SLAMF1: variants seen among roughly 807,000 people sequenced by gnomAD.
SLAMF1 encodes the protein signaling lymphocytic activation molecule.
A neutral mutation model predicts 35.1 loss-of-function variants in SLAMF1; 18 were observed. The ratio of observed to expected loss-of-function variants is 0.51; its 90% CI spans 0.35 to 0.76. The LOEUF (loss-of-function observed/expected upper bound fraction) is 0.76. Among genes scored for constraint, SLAMF1 ranks in the 30% least tolerant of loss-of-function variants. SLAMF1 has a pLI of 0.01. For synonymous variants in SLAMF1, 168 were observed against 157.2 expected, an observed-to-expected ratio of 1.07 and a Z score of -0.51; for missense variants, 392 against 413.0, an observed-to-expected ratio of 0.95 and a Z score of 0.44.
chr1:160,615,074 A>T (rs1442078625), intron 5 of SLAMF1, among the ~76,000 whole-genome samples: 1 of 152,176 alleles, frequency 6.6e-6, no homozygotes, highest in East Asian at 1.9e-4. Flanking sequence ...TCTTTATAAG[A>T]TTATTTTATA....
At chr1:160,622,779 A>G (rs576686195) in intron 4 of SLAMF1, among the ~76,000 whole-genome samples, 3 of 152,346 alleles carry the variant, frequency 2.0e-5, no homozygotes, top group Admixed American at 2.0e-4. Flanking sequence ...TCTAATGCCT[A>G]TACCCACATT....
In SLAMF1 at chr1:160,609,678, A is replaced by T. The variant is rs769089030; in HGVS notation, c.*1070T>A. ...GTCTCTTTCTGCCTGCAGCTTGCAAAATAAGTTATTGAGCATTCAAAGATT... is the reference window on the plus strand; with the variant it reads ...GTCTCTTTCTGCCTGCAGCTTGCAATATAAGTTATTGAGCATTCAAAGATT... On this transcript the variant is annotated 3_prime_UTR_variant, in exon 7 of 7. Transcript: ENST00000302035. 1 of 152,242 alleles carries T rather than the reference A, an allele frequency of 6.6e-6. No homozygotes were observed. The highest frequency in any genetic ancestry group is 1.5e-5 in the Non-Finnish European group (1 of 68,038). The allele number at this position is 152,242 out of a possible 1,614,324, so 9.4% of individuals were successfully genotyped here.
At position 160,634,695 on chromosome 1, in the gene SLAMF1, G is replaced by C; in HGVS notation, c.618C>G (p.Ile206Met). Residue 206 changes from isoleucine (I) to methionine (M), a missense_variant, in exon 3 of 7, where the codon ATC becomes ATG. Physicochemically the swap from Ile to Met is conservative, Grantham distance 10 (BLOSUM62 1). Coordinates refer to ENST00000302035, the MANE Select transcript of SLAMF1 (RefSeq NM_003037.5). ...TAGGGTTGCTCACGGTGCAGATGTA[G>C]ATATTGTCAGCATGCTGGGGGCCGA... ...LTLGPQHADN[I>M]YICTVSNPIS... 1 of 1,614,148 alleles carries C rather than the reference G, an allele frequency of 6.2e-7. No individual in the cohort carries two copies. Among genetic ancestry groups the C allele is most frequent in the Non-Finnish European group, 8.5e-7 (1 of 1,180,018 alleles).
At chr1:160,634,105 T>C (rs1158742635) in intron 3 of SLAMF1, among the ~76,000 whole-genome samples, 2 of 152,280 alleles carry the variant, frequency 1.3e-5, no homozygotes, top group Non-Finnish European at 2.9e-5. Context: ...ACCTTCACTA[T>C]ATCCTGTGTT....
chr1:160,615,935 T>C (rs1231765920), intron 5 of SLAMF1, among the ~76,000 whole-genome samples: 1 of 152,114 alleles, frequency 6.6e-6, no homozygotes, highest in Non-Finnish European at 1.5e-5. Context: ...CCAGATGGAG[T>C]GTGGCCCTGA....
At chr1:160,640,563 A>C (rs2102358463) in intron 1 of SLAMF1, among the ~76,000 whole-genome samples, 1 of 152,088 alleles carries the variant, frequency 6.6e-6, no homozygotes, top group Admixed American at 6.5e-5. Flanking sequence ...AGCTACCTAG[A>C]AGAGACTCTT....
chr1:160,643,782 T>C (rs1558017879), intron 1 of SLAMF1, among the ~76,000 whole-genome samples: 2 of 152,248 alleles, frequency 1.3e-5, no homozygotes, highest in Non-Finnish European at 2.9e-5. Context: ...ATTATTCTCT[T>C]CCAGTTATTT....
intron 5 of SLAMF1, among the ~76,000 whole-genome samples, chr1:160,617,250 C>T (rs112019082): frequency 0.011 from 1,663 of 152,144 alleles, 21 homozygotes; most frequent in African/African-American, 0.036. Flanking sequence ...AAAAACAGCT[C>T]GGCCTTATCT....
At chr1:160,636,752 C>G (rs940540917) in intron 2 of SLAMF1, among the ~76,000 whole-genome samples, 4 of 152,200 alleles carry the variant, frequency 2.6e-5, no homozygotes, top group Non-Finnish European at 4.4e-5. Flanking sequence ...AGTGAAACAC[C>G]TACACAAATG....
intron 1 of SLAMF1, among the ~76,000 whole-genome samples, chr1:160,645,139 G>T (rs774850331): frequency 6.6e-6 from 1 of 152,206 alleles, no homozygotes; most frequent in Non-Finnish European, 1.5e-5. Context: ...GAAGGGACAT[G>T]TGGACTTTTT....
intron 4 of SLAMF1, among the ~76,000 whole-genome samples, chr1:160,621,847 C>G (rs961679809): frequency 8.6e-6 from 1 of 116,548 alleles, no homozygotes; most frequent in Middle Eastern, 4.2e-3. Flanking sequence ...GAGGAGTGTG[C>G]GTGAGTGCGT....
At chr1:160,645,782 G>A (rs938117069) in intron 1 of SLAMF1, among the ~76,000 whole-genome samples, 3 of 152,160 alleles carry the variant, frequency 2.0e-5, no homozygotes, top group Non-Finnish European at 4.4e-5. Flanking sequence ...GGCTGAGCAA[G>A]CCCTGTTCGT....
At chr1:160,625,952 G>A (rs1659861481) in intron 3 of SLAMF1, among the ~76,000 whole-genome samples, 1 of 152,062 alleles carries the variant, frequency 6.6e-6, no homozygotes, top group South Asian at 2.1e-4. Context: ...ACTAGGATAA[G>A]AAGCAAAGCC....
chr1:160,624,043 C>T, intron 4 of SLAMF1, 53 bp downstream of exon 4: 2 of 1,287,938 alleles, frequency 1.6e-6, no homozygotes, highest in African/African-American at 1.5e-5. Context: ...GAGAGAGGTC[C>T]CCTGCTTACC....
chr1:160,636,552 G>A (rs1477374577), intron 2 of SLAMF1, among the ~76,000 whole-genome samples: 3 of 152,228 alleles, frequency 2.0e-5, no homozygotes, highest in African/African-American at 7.2e-5. Flanking sequence ...AAAAGCACTG[G>A]CCTTGGATTC....
intron 5 of SLAMF1, among the ~76,000 whole-genome samples, chr1:160,613,480 A>C (rs1244185027): frequency 1.3e-5 from 2 of 152,216 alleles, no homozygotes; most frequent in Non-Finnish European, 2.9e-5. Flanking sequence ...AAGACCTCAA[A>C]ATAAATTGAG....
intron 5 of SLAMF1, chr1:160,615,758 T>C (rs763851542): frequency 8.3e-5 from 29 of 350,640 alleles, no homozygotes; most frequent in South Asian, 5.8e-4. Flanking sequence ...CGAAGTCTGA[T>C]GATGACTGTC....
chr1:160,610,943 G>A (rs1570958646), intron 6 of SLAMF1, 145 bp from the exon 7 acceptor site: 1 of 664,338 alleles, frequency 1.5e-6, no homozygotes, highest in East Asian at 2.7e-5. Context: ...GCCTTGCTGG[G>A]ACAGCACTTG....
intron 1 of SLAMF1, among the ~76,000 whole-genome samples, chr1:160,637,990 T>C (rs989190125): frequency 6.6e-6 from 1 of 152,074 alleles, no homozygotes; most frequent in Non-Finnish European, 1.5e-5. Context: ...TTTCAGATCA[T>C]GAGGAAAACA....
Sources: allele counts gnomAD v4.1 joint callset (sites outside exome capture counted in the v4.1 genomes callset), GRCh38; gene constraint gnomAD v4.1.1; transcripts MANE v1.5; gene names NCBI Gene and HGNC (gene_info 2026-07-23, HGNC 2026-07-21).